Variants in GSE1 observed in about 807,000 individuals in gnomAD.
The protein encoded by GSE1 is Gse1 coiled-coil protein.
In GSE1, 32 loss-of-function variants were observed where a neutral mutation model predicts 112.6. That is an observed-to-expected ratio of 0.28 (90% CI 0.21 to 0.38). The LOEUF is 0.38. Among genes scored for constraint, GSE1 ranks in the 10% least tolerant of loss-of-function variants. The pLI is 1.00. For missense variants in GSE1, 2,348 were observed against 1,699.2 expected, an observed-to-expected ratio of 1.38 and a Z score of -6.71; for synonymous variants, 1,115 against 735.6, an observed-to-expected ratio of 1.52 and a Z score of -8.35.
intron 2 of GSE1, among the ~76,000 whole-genome samples, chr16:85,428,111 G>A (rs182305325): frequency 1.6e-3 from 239 of 152,286 alleles, no homozygotes; most frequent in Non-Finnish European, 2.6e-3. Context: ...AAGGGGCTTC[G>A]GTGCTGGGAA....
intron 1 of GSE1, among the ~76,000 whole-genome samples, chr16:85,188,282 G>A (rs1203591058): frequency 2.0e-5 from 3 of 152,214 alleles, no homozygotes; most frequent in African/African-American, 7.2e-5. Context: ...CTGTCTGCGG[G>A]CCCTGTTCCC....
At chr16:85,356,250 C>T (rs1239011874) in intron 1 of GSE1, among the ~76,000 whole-genome samples, 5 of 152,208 alleles carry the variant, frequency 3.3e-5, no homozygotes, top group Admixed American at 2.0e-4. Context: ...TTGCTCGCCT[C>T]GGGACCAGTG....
upstream of GSE1, among the ~76,000 whole-genome samples, chr16:85,610,637 C>T (rs144577070): frequency 5.4e-3 from 817 of 152,316 alleles, 7 homozygotes; most frequent in African/African-American, 0.018. Context: ...GCCTGGTGGC[C>T]GCCAGCGTTT....
At chr16:85,190,862 A>T (rs575695931) in intron 1 of GSE1, among the ~76,000 whole-genome samples, 1 of 152,244 alleles carries the variant, frequency 6.6e-6, no homozygotes, top group African/African-American at 2.4e-5. Flanking sequence ...GATGGTGAGC[A>T]GCATCCTGCA....
At chr16:85,255,131 G>A (rs1906931289) in intron 1 of GSE1, among the ~76,000 whole-genome samples, 1 of 152,220 alleles carries the variant, frequency 6.6e-6, no homozygotes, top group Admixed American at 6.5e-5. Context: ...CTCCCCGAGG[G>A]GCGGGCGTGA....
intron 1 of GSE1, among the ~76,000 whole-genome samples, chr16:85,278,264 C>G (rs572442478): frequency 6.6e-6 from 1 of 152,218 alleles, no homozygotes; most frequent in Admixed American, 6.5e-5. Context: ...ACCTGAGACC[C>G]TCTCTTCTTG....
intron 1 of GSE1, among the ~76,000 whole-genome samples, chr16:85,316,470 A>C (rs2045987465): frequency 6.6e-6 from 1 of 152,090 alleles, no homozygotes. Context: ...CCTCCCAGCC[A>C]CTGGTCCGGG....
chr16:85,337,018 G>A (rs373181140), intron 1 of GSE1, among the ~76,000 whole-genome samples: 9,039 of 116,752 alleles, frequency 0.077, 316 homozygotes, highest in Middle Eastern at 0.11. Flanking sequence ...ATATCCACAG[G>A]CACATTTGCT....
intron 1 of GSE1, among the ~76,000 whole-genome samples, chr16:85,597,140 G>A (rs184945513): frequency 1.3e-5 from 2 of 151,772 alleles, no homozygotes; most frequent in Non-Finnish European, 2.9e-5. Flanking sequence ...CACCATGCCC[G>A]GCTAATTTTT....
intron 2 of GSE1, among the ~76,000 whole-genome samples, chr16:85,475,060 T>A (rs2050410381): frequency 6.6e-6 from 1 of 152,126 alleles, no homozygotes; most frequent in Admixed American, 6.5e-5. Flanking sequence ...CCAGGGACGA[T>A]AAATTGTGCC....
chr16:85,374,721 C>G lies in GSE1; in HGVS notation c.2464+17078C>G. Among the ~76,000 whole-genome samples, 2 of 152,116 alleles carry G rather than the reference C, an allele frequency of 1.3e-5. 1 individual carries two copies. Among genetic ancestry groups the G allele is most frequent in the East Asian group, 3.9e-4 (2 of 5,190 alleles). ...GGTGGATGGGCCCAGTGGATGCGTTCGAGCTGCTGGTTTGGTGAGGGCTGT... is the reference window on the plus strand; with the variant it reads ...GGTGGATGGGCCCAGTGGATGCGTTGGAGCTGCTGGTTTGGTGAGGGCTGT... On this transcript the variant is annotated intron_variant, in intron 2 of 2. Coordinates refer to the GSE1 transcript ENST00000637419.
At chr16:85,656,267 C>G (rs1029451447) in intron 6 of GSE1, 76 bp from the exon 7 acceptor site, 8 of 1,556,760 alleles carry the variant, frequency 5.1e-6, no homozygotes, top group Non-Finnish European at 6.1e-6. Context: ...CCTGGTTATG[C>G]TTTTTAAGGG....
chr16:85,297,799 C>T (rs893509962), intron 1 of GSE1, among the ~76,000 whole-genome samples: 1 of 152,266 alleles, frequency 6.6e-6, no homozygotes, highest in Non-Finnish European at 1.5e-5. Flanking sequence ...ACGTGAGCCA[C>T]TGCACCTGGC....
chr16:85,511,477 G>A (rs1470294184), intron 2 of GSE1, among the ~76,000 whole-genome samples: 2 of 149,624 alleles, frequency 1.3e-5, no homozygotes, highest in South Asian at 2.1e-4. Flanking sequence ...GCAGTGAGTC[G>A]AGATTGTGCC....
chr16:85,308,527 C>G (rs569568457), intron 1 of GSE1, among the ~76,000 whole-genome samples: 1 of 152,150 alleles, frequency 6.6e-6, no homozygotes, highest in Non-Finnish European at 1.5e-5. Context: ...TCCTCGGGGA[C>G]TTCGAAAGGA....
intron 2 of GSE1, among the ~76,000 whole-genome samples, chr16:85,394,759 A>G (rs2047929290): frequency 6.6e-6 from 1 of 151,926 alleles, no homozygotes; most frequent in African/African-American, 2.4e-5. Flanking sequence ...TTTCTACAGC[A>G]GAGCAAACCT....
intron 2 of GSE1, among the ~76,000 whole-genome samples, chr16:85,500,536 A>G (rs2051325682): frequency 1.3e-5 from 2 of 152,196 alleles, no homozygotes; most frequent in Admixed American, 1.3e-4. Context: ...ACTGCGCACC[A>G]AGGGTCTGGG....
At chr16:85,467,759 T>C (rs1037979795) in intron 2 of GSE1, among the ~76,000 whole-genome samples, 6 of 152,226 alleles carry the variant, frequency 3.9e-5, no homozygotes, top group Admixed American at 2.6e-4. Flanking sequence ...GGTACGGAGA[T>C]ACCCCCTCCA....
chr16:85,192,896 C>T (rs1371179063), intron 1 of GSE1, among the ~76,000 whole-genome samples: 1 of 152,170 alleles, frequency 6.6e-6, no homozygotes, highest in Non-Finnish European at 1.5e-5. Flanking sequence ...GTGTAAATGC[C>T]CTCGCAAACA....
Sources: gnomAD v4.1 joint callset for allele counts (sites outside exome capture counted in the v4.1 genomes callset) on GRCh38, gnomAD v4.1.1 for gene constraint, MANE v1.5 for transcripts, NCBI Gene and HGNC (gene_info 2026-07-23, HGNC 2026-07-21) for gene names.